Variants in WFDC2 observed in about 807,000 individuals in gnomAD.
WFDC2 encodes WAP four-disulfide core domain 2, also known as WAP four-disulfide core domain protein 2.
WFDC2 carries 8 observed loss-of-function variants against 12.5 expected under a neutral mutation model. The observed-to-expected ratio is 0.64, with a 90% CI of 0.37 to 1.15. The LOEUF (loss-of-function observed/expected upper bound fraction) is 1.15. Among genes scored for constraint, WFDC2 ranks in the 50% most tolerant of loss-of-function variants. WFDC2 has a pLI of 0.01. For synonymous variants in WFDC2, 74 were observed against 67.2 expected, an observed-to-expected ratio of 1.10 and a Z score of -0.49; for missense variants, 166 against 159.9, an observed-to-expected ratio of 1.04 and a Z score of -0.21.
intron 2 of WFDC2, among the ~76,000 whole-genome samples, chr20:45,474,538 T>C (rs1409634429): frequency 1.3e-5 from 2 of 152,222 alleles, no homozygotes; most frequent in African/African-American, 2.4e-5. Flanking sequence ...AACTTGATCA[T>C]GGTGGATAAG....
intron 2 of WFDC2, among the ~76,000 whole-genome samples, chr20:45,477,436 T>C (rs759481537): frequency 2.6e-5 from 4 of 152,238 alleles, no homozygotes; most frequent in Non-Finnish European, 5.9e-5. Context: ...GCCCCTCAGC[T>C]GCAGGTCTGT....
chr20:45,471,021 T>G (rs1991165327), intron 2 of WFDC2: 2 of 407,956 alleles, frequency 4.9e-6, no homozygotes, highest in Admixed American at 5.3e-5. Context: ...CTTTACAGAT[T>G]TAGGAAAATG....
intron 2 of WFDC2, among the ~76,000 whole-genome samples, chr20:45,476,213 C>T (rs1991231406): frequency 6.6e-6 from 1 of 152,174 alleles, no homozygotes; most frequent in South Asian, 2.1e-4. Flanking sequence ...TTGATCCTGT[C>T]ATTATGATGC....
Position 45,469,761 on chromosome 20 carries a change from A to G in WFDC2, c.-21A>G, listed in dbSNP as rs751860098. On this transcript the variant is annotated 5_prime_UTR_variant, in exon 1 of 4. Transcript: ENST00000372676. ...CACCTGAGCATCGGCTCACACCTGC[A>G]CCCCGCCCGGGCATAGCACCATGCC... is the stretch of plus-strand genomic sequence containing the variant. 3.2e-6 allele frequency: 5 copies of G among 1,579,462 alleles called. No individual in the cohort carries two copies. In the South Asian group the frequency reaches 4.5e-5, roughly 14 times the overall value.
chr20:45,479,674 C>T (rs1555882006), intron 2 of WFDC2: 2 of 1,613,942 alleles, frequency 1.2e-6, no homozygotes, highest in South Asian at 2.2e-5. Context: ...GACACGGAGG[C>T]TCTGGGAGAT....
At position 45,471,297 on chromosome 20, in the gene WFDC2, G is replaced by T. The variant is rs1335734523; in HGVS notation, c.223+765G>T. 5 of 412,826 alleles carry T rather than the reference G, an allele frequency of 1.2e-5. No individual in the cohort carries two copies. In the Admixed American group the frequency reaches 1.3e-4, roughly 11 times the overall value. 25.6% of individuals were successfully genotyped at this position (412,826 alleles called of 1,614,324 possible). ...TCTCTCAAAGGTGCTTGCTGGAGCT[G>T]CAGTCTCCACCAGGCTATCAGAACA... is the stretch of plus-strand genomic sequence containing the variant. On this transcript the variant is annotated intron_variant, in intron 2 of 3. Coordinates refer to ENST00000372676, the MANE Select transcript of WFDC2 (RefSeq NM_006103.4).
chr20:45,471,695 C>G (rs1317970055), intron 2 of WFDC2, among the ~76,000 whole-genome samples: 1 of 152,114 alleles, frequency 6.6e-6, no homozygotes, highest in Non-Finnish European at 1.5e-5. Flanking sequence ...GGTGGAGGAG[C>G]AAAGGAGGGA....
chr20:45,474,984 C>G (rs1991215493), intron 2 of WFDC2, among the ~76,000 whole-genome samples: 1 of 152,168 alleles, frequency 6.6e-6, no homozygotes, highest in Non-Finnish European at 1.5e-5. Context: ...TTATAGTATT[C>G]TCTGATGGTA....
At chr20:45,475,742 C>G (rs548018780) in intron 2 of WFDC2, among the ~76,000 whole-genome samples, 3 of 151,988 alleles carry the variant, frequency 2.0e-5, no homozygotes, top group African/African-American at 7.3e-5. Context: ...GTTAATTTTC[C>G]GTCTCATTGA....
At chr20:45,480,166 G>A in intron 3 of WFDC2, 72 bp downstream of exon 3, 1 of 1,591,758 alleles carries the variant, frequency 6.3e-7, no homozygotes. Flanking sequence ...CGTCACCCAG[G>A]CGGAGGTGAA....
At chr20:45,472,492 C>A (rs1342055104) in intron 2 of WFDC2, among the ~76,000 whole-genome samples, 1 of 152,116 alleles carries the variant, frequency 6.6e-6, no homozygotes, top group Non-Finnish European at 1.5e-5. Flanking sequence ...TGTAGACGTG[C>A]CACATTTCCT....
chr20:45,479,460 G>GATT (rs1991272825), intron 2 of WFDC2: 1 of 567,612 alleles, frequency 1.8e-6, no homozygotes, highest in African/African-American at 1.9e-5. Context: ...CTTCTTTTAG[G>GATT]ATTATTGTGA....
At chr20:45,477,864 A>C (rs574233202) in intron 2 of WFDC2, among the ~76,000 whole-genome samples, 1 of 152,300 alleles carries the variant, frequency 6.6e-6, no homozygotes, top group South Asian at 2.1e-4. Context: ...CTGCCCAGAG[A>C]GGAGGAATCT....
At chr20:45,479,643 A>G in intron 2 of WFDC2, 3 of 1,597,350 alleles carry the variant, frequency 1.9e-6, no homozygotes, top group Non-Finnish European at 2.6e-6. Flanking sequence ...TGTAATTAGC[A>G]CTGTTCCACT....
At chr20:45,472,922 T>A (rs780171214) in intron 2 of WFDC2, among the ~76,000 whole-genome samples, 1 of 152,252 alleles carries the variant, frequency 6.6e-6, no homozygotes, top group Non-Finnish European at 1.5e-5. Flanking sequence ...TGGTTTTGAT[T>A]TGCATTTCTC....
chr20:45,472,091 A>G (rs1423695982), intron 2 of WFDC2, among the ~76,000 whole-genome samples: 1 of 152,024 alleles, frequency 6.6e-6, no homozygotes, highest in Non-Finnish European at 1.5e-5. Context: ...TTGTATTAGG[A>G]AGTCAAGACT....
intron 2 of WFDC2, among the ~76,000 whole-genome samples, chr20:45,473,009 A>T (rs1991191420): frequency 6.6e-6 from 1 of 152,222 alleles, no homozygotes. Flanking sequence ...ATCTGTTCAT[A>T]TCCTTCGCCC....
chr20:45,478,133 T>C (rs754954387), intron 2 of WFDC2, among the ~76,000 whole-genome samples: 8 of 152,126 alleles, frequency 5.3e-5, no homozygotes, highest in Non-Finnish European at 1.2e-4. Context: ...AGACCACTTG[T>C]CTCCCTAGCT....
At position 45,479,648 on chromosome 20, in the gene WFDC2, TC is replaced by T. The variant is rs753487166; in HGVS notation, c.224-292del. The T allele has an allele frequency of 3.7e-6, 6 of 1,606,876 alleles. No homozygotes were observed. In the East Asian group the frequency reaches 6.7e-5, roughly 18 times the overall value. ...AACCCTATGTTGTAATTAGCACTGT[TC>T]CACTGGCACCTAAAGACACGGAGGC... On this transcript the variant is annotated intron_variant, in intron 2 of 3. Transcript: ENST00000372676.
Sources: allele counts gnomAD v4.1 joint callset (sites outside exome capture counted in the v4.1 genomes callset), GRCh38; gene constraint gnomAD v4.1.1; transcripts MANE v1.5; gene names NCBI Gene and HGNC (gene_info 2026-07-23, HGNC 2026-07-21).